The following PDE3A variants were observed in gnomAD, a reference collection of about 807,000 sequenced individuals.
PDE3A encodes cGMP-inhibited 3',5'-cyclic phosphodiesterase 3A.
A neutral mutation model predicts 98.3 loss-of-function variants in PDE3A; 43 were observed. The observed-to-expected ratio is 0.44, with a 90% CI of 0.34 to 0.56. PDE3A has a LOEUF of 0.56. PDE3A is among the 20% of genes least tolerant of loss of function. The pLI, the probability that PDE3A is intolerant of heterozygous loss-of-function variation, is 0.01. For missense variants in PDE3A, 1,427 were observed against 1,440.7 expected (o/e 0.99, Z 0.15); for synonymous variants, 663 against 567.9 (o/e 1.17, Z -2.38).
intron 1 of PDE3A, among the ~76,000 whole-genome samples, chr12:20,451,878 G>C (rs935196096): frequency 3.3e-5 from 5 of 152,148 alleles, no homozygotes; most frequent in African/African-American, 1.2e-4. Flanking sequence ...TTATTTAACT[G>C]TGTTTCATCC....
At chr12:20,532,876 G>C (rs1311582889) in intron 1 of PDE3A, among the ~76,000 whole-genome samples, 1 of 151,988 alleles carries the variant, frequency 6.6e-6, no homozygotes, top group Non-Finnish European at 1.5e-5. Flanking sequence ...TTTTAGTAGA[G>C]ACGGGGTTTC....
intron 1 of PDE3A, among the ~76,000 whole-genome samples, chr12:20,444,861 A>G (rs529503942): frequency 1.1e-4 from 16 of 152,318 alleles, no homozygotes; most frequent in Admixed American, 6.5e-4. Flanking sequence ...GGACAGTAAT[A>G]GAAACAGGAA....
At chr12:20,437,732 A>G (rs758807475) in intron 1 of PDE3A, among the ~76,000 whole-genome samples, 21 of 152,104 alleles carry the variant, frequency 1.4e-4, no homozygotes, top group Admixed American at 7.9e-4. Flanking sequence ...AATCAGGCCT[A>G]CCTCCAACAT....
rs1945803863 is a variant in PDE3A, at chr12:20,682,136, C to G, written c.*1865C>G. On this transcript the variant is annotated 3_prime_UTR_variant, in exon 16 of 16. Coordinates refer to ENST00000359062, the MANE Select transcript of PDE3A (RefSeq NM_000921.5). ...TTTTTTCACTAGTAACTTTTGCTAA[C>G]TGAATGAATTCTGGGTCCATATCTC... 1 of 152,170 alleles carries G rather than the reference C, an allele frequency of 6.6e-6. No homozygotes were observed. The allele number at this position is 152,170 out of a possible 1,614,324, so 9.4% of individuals were successfully genotyped here. A position where few individuals can be genotyped will look rare whatever the true frequency, so the allele number is the denominator to read the frequency against.
At chr12:20,564,903 G>GTACTT (rs1052768648) in intron 2 of PDE3A, among the ~76,000 whole-genome samples, 4 of 152,032 alleles carry the variant, frequency 2.6e-5, no homozygotes, top group Non-Finnish European at 4.4e-5. Flanking sequence ...ACAACCTGTG[G>GTACTT]TACTTTATTT....
At chr12:20,536,893 G>A (rs957424468) in intron 1 of PDE3A, among the ~76,000 whole-genome samples, 2 of 151,898 alleles carry the variant, frequency 1.3e-5, no homozygotes, top group African/African-American at 4.8e-5. Context: ...TCATTTCTCT[G>A]GAATATACAT....
chr12:20,552,685 G>C lies in PDE3A; in HGVS notation c.961-3975G>C. 2.5e-6 allele frequency: 4 copies of C among 1,614,024 alleles called. No homozygotes were observed. Among genetic ancestry groups the C allele is most frequent in the South Asian group, 2.2e-5 (2 of 91,086 alleles). ...GGCCCAGCAGAGCAGCCTCATCAGAGAGGACAAGAGCAACGCCAAGCTGTG... is the reference window on the plus strand; with the variant it reads ...GGCCCAGCAGAGCAGCCTCATCAGACAGGACAAGAGCAACGCCAAGCTGTG... On this transcript the variant is annotated intron_variant, in intron 1 of 15. Transcript: ENST00000359062. The surrounding 1 kb of genome is among the most constrained non-coding windows in gnomAD (Gnocchi z 5.1).
Position 20,495,078 on chromosome 12 carries a change from T to G in PDE3A, c.961-61582T>G, listed in dbSNP as rs545886156. ...CATTCAATTTGAGAATTCTTCCATA[T>G]GGACAGTGGACAAGAGAATGTTCCA... is the stretch of plus-strand genomic sequence containing the variant. On this transcript the variant is annotated intron_variant, in intron 1 of 15. Coordinates refer to ENST00000359062, the MANE Select transcript of PDE3A (RefSeq NM_000921.5). 2.0e-5 allele frequency among the ~76,000 whole-genome samples: 3 copies of G among 152,304 alleles called. No homozygotes were observed. The East Asian group carries it at 5.8e-4, about 29-fold the overall frequency.
chr12:20,484,378 G>T (rs1945684915), intron 1 of PDE3A, among the ~76,000 whole-genome samples: 1 of 152,034 alleles, frequency 6.6e-6, no homozygotes, highest in Non-Finnish European at 1.5e-5. Context: ...AAACCCATTT[G>T]TAATAAAAAC....
intron 1 of PDE3A, among the ~76,000 whole-genome samples, chr12:20,531,273 G>A (rs550045638): frequency 1.3e-5 from 2 of 152,234 alleles, no homozygotes; most frequent in African/African-American, 2.4e-5. Context: ...CTTGCAAGAT[G>A]GCTGATAAGG....
At chr12:20,679,437 C>T (rs1411387055) in intron 15 of PDE3A, among the ~76,000 whole-genome samples, 9 of 152,028 alleles carry the variant, frequency 5.9e-5, no homozygotes, top group East Asian at 1.9e-4. Flanking sequence ...TTAGTAGAGA[C>T]AGGGTTTCAC....
chr12:20,517,534 C>T (rs1256286531), intron 1 of PDE3A, among the ~76,000 whole-genome samples: 1 of 152,144 alleles, frequency 6.6e-6, no homozygotes, highest in Non-Finnish European at 1.5e-5. Flanking sequence ...AAAATTTCTG[C>T]TGTGTTTCCT....
At chr12:20,611,803 C>T (rs1943861811) in intron 2 of PDE3A, among the ~76,000 whole-genome samples, 1 of 151,600 alleles carries the variant, frequency 6.6e-6, no homozygotes, top group South Asian at 2.1e-4. Flanking sequence ...ACTTTTCCAA[C>T]CCACTGAACA....
At chr12:20,424,811 A>T (rs551793650) in intron 1 of PDE3A, among the ~76,000 whole-genome samples, 10 of 152,330 alleles carry the variant, frequency 6.6e-5, no homozygotes, top group African/African-American at 2.4e-4. Context: ...TAGAACAACC[A>T]TATCAAGACA....
chr12:20,416,260 C>A (rs1944419666), intron 1 of PDE3A, among the ~76,000 whole-genome samples: 1 of 152,268 alleles, frequency 6.6e-6, no homozygotes, highest in African/African-American at 2.4e-5. Context: ...GTTATCAACA[C>A]CCTTGGACTT....
At chr12:20,656,505 T>C (rs1203500007) in intron 15 of PDE3A, among the ~76,000 whole-genome samples, 2 of 152,264 alleles carry the variant, frequency 1.3e-5, no homozygotes, top group African/African-American at 2.4e-5. Context: ...TAATTATATT[T>C]CATTTATCTG....
rs765267969 is a variant in PDE3A, at chr12:20,613,658, C to T, written c.1227C>T (p.Asp409=). ...TCAGTGAAAACTATACCTGTTCTGA[C>T]TCTGAAGAGAGCTCTGAAAAAGACA... ...TSLSENYTCS[D]SEESSEKDKL... Residue 409 remains aspartate (D), a synonymous_variant, in exon 3 of 16, where the codon GAC becomes GAT. Transcript: ENST00000359062. The T allele has an allele frequency of 3.7e-6, 6 of 1,613,566 alleles. No homozygotes were observed. Among genetic ancestry groups the T allele is most frequent in the South Asian group, 3.3e-5 (3 of 91,032 alleles).
In PDE3A at chr12:20,630,088, T is replaced by G. The variant is rs1013918490; in HGVS notation, c.1721T>G (p.Leu574Arg). ...ALTYTQSAPD[L>R]SPQILTPPVI... ...ACTTACACTCAGAGTGCCCCAGACC[T>G]ATCCCCTCAAATCCTGACTCCACCT... Residue 574 changes from leucine to arginine, a missense_variant, in exon 6 of 16, where the codon CTA becomes CGA. By Grantham distance (102) the Leu-to-Arg change is moderately radical. Around this residue, in one of 3 missense-constraint regions of PDE3A, gnomAD observed 1,012 missense variants for 886.5 expected, o/e 1.14. Coordinates refer to ENST00000359062, the MANE Select transcript of PDE3A (RefSeq NM_000921.5). 3 of 1,613,554 alleles carry G rather than the reference T, an allele frequency of 1.9e-6. No individual in the cohort carries two copies. Among genetic ancestry groups the G allele is most frequent in the Non-Finnish European group, 2.5e-6 (3 of 1,179,650 alleles).
intron 4 of PDE3A, among the ~76,000 whole-genome samples, chr12:20,620,648 G>GT (rs1944110303): frequency 6.6e-6 from 1 of 151,992 alleles, no homozygotes; most frequent in Non-Finnish European, 1.5e-5. Context: ...GGCAGACCAA[G>GT]TACATCTTGG....
Sources: gnomAD v4.1 joint callset for allele counts (sites outside exome capture counted in the v4.1 genomes callset) on GRCh38, gnomAD v4.1.1 for gene constraint, gnomAD v4.1.1 regional missense constraint, Gnocchi (gnomAD v3.1) non-coding constraint, MANE v1.5 for transcripts, NCBI Gene and HGNC (gene_info 2026-07-23, HGNC 2026-07-21) for gene names.